ANKHD1: variants seen among roughly 807,000 people sequenced by gnomAD.
ANKHD1 encodes the protein ankyrin repeat and KH domain-containing protein 1.
Under a neutral mutation model 230.5 loss-of-function variants are expected in ANKHD1, and 31 were observed. That is an observed-to-expected ratio of 0.13 (90% CI 0.10 to 0.18). The LOEUF (loss-of-function observed/expected upper bound fraction) is 0.18. Ranked by LOEUF, ANKHD1 falls within the 10% of genes least tolerant of loss-of-function variation. The pLI is 1.00. For missense variants in ANKHD1, 2,256 were observed against 3,071.3 expected, an observed-to-expected ratio of 0.73 and a Z score of 6.27; for synonymous variants, 1,074 against 1,117.6, an observed-to-expected ratio of 0.96 and a Z score of 0.78.
At chr5:140,467,925 T>A (rs1776208215) in intron 10 of ANKHD1, among the ~76,000 whole-genome samples, 1 of 152,110 alleles carries the variant, frequency 6.6e-6, no homozygotes, top group Admixed American at 6.6e-5. Context: ...TGTTTTGGGC[T>A]ATAATAATTT....
At chr5:140,537,648 T>C in intron 31 of ANKHD1, 59 bp downstream of exon 31, 1 of 1,480,990 alleles carries the variant, frequency 6.8e-7, no homozygotes. Flanking sequence ...AGGTTTGCCA[T>C]TAAAACTTAG....
chr5:140,486,752 A>G (rs1340984337), intron 13 of ANKHD1: 9 of 385,824 alleles, frequency 2.3e-5, no homozygotes, highest in East Asian at 2.2e-4. Flanking sequence ...GCTTAAAATC[A>G]TTGACTATTT....
chr5:140,459,078 C>A, intron 8 of ANKHD1, 86 bp from the exon 9 acceptor site: 1 of 1,224,742 alleles, frequency 8.2e-7, no homozygotes, highest in Non-Finnish European at 1.0e-6. Context: ...GCAGAGAAGA[C>A]AGAGATGATT....
Position 140,485,892 on chromosome 5 carries a change from A to G in ANKHD1, c.2142+160A>G. ...ATTCTTTAGGATTTATTTTCTTTAAAGGTACACTGAAATTTGTTATTGCCT... is the reference window on the plus strand; with the variant it reads ...ATTCTTTAGGATTTATTTTCTTTAAGGGTACACTGAAATTTGTTATTGCCT... On this transcript the variant is annotated intron_variant, in intron 13 of 33. Coordinates refer to ENST00000360839, the MANE Select transcript of ANKHD1 (RefSeq NM_017747.3). The surrounding 1 kb of genome is among the most constrained non-coding windows in gnomAD (Gnocchi z 4.8). 1 of 1,141,456 alleles carries G rather than the reference A, an allele frequency of 8.8e-7. No homozygotes were observed. The highest frequency in any genetic ancestry group is 1.2e-6 in the Non-Finnish European group (1 of 836,388). The allele number at this position is 1,141,456 out of a possible 1,614,324, so 70.7% of individuals were successfully genotyped here. A position where few individuals can be genotyped will look rare whatever the true frequency, so the allele number is the denominator to read the frequency against.
At chr5:140,414,188 C>A (rs59647792) in intron 1 of ANKHD1, among the ~76,000 whole-genome samples, 2,058 of 152,172 alleles carry the variant, frequency 0.014, 53 homozygotes, top group African/African-American at 0.047. Flanking sequence ...GGCCTGCATT[C>A]AATTATTTTA....
intron 1 of ANKHD1, among the ~76,000 whole-genome samples, chr5:140,422,814 G>A (rs531722128): frequency 5.8e-5 from 7 of 121,668 alleles, no homozygotes; most frequent in Admixed American, 4.3e-4. Context: ...TGTCTTGGGG[G>A]GGAAAAAAGA....
Position 140,527,352 on chromosome 5 carries a change from C to A in ANKHD1, c.5087+278C>A. Reference sequence around the variant, plus strand: ...GCTTTCTCTTGCTTTTTTTCTTTCTCATGTCTCAGTAATTCTAGAACTAAA... The same window carrying A: ...GCTTTCTCTTGCTTTTTTTCTTTCTAATGTCTCAGTAATTCTAGAACTAAA... On this transcript the variant is annotated intron_variant, in intron 27 of 33. Transcript: ENST00000360839. The surrounding 1 kb of genome is among the most constrained non-coding windows in gnomAD (Gnocchi z 4.5). 3.2e-6 allele frequency: 1 copy of A among 309,808 alleles called. No individual in the cohort carries two copies. The highest frequency in any genetic ancestry group is 5.9e-6 in the Non-Finnish European group (1 of 169,014). The allele number at this position is 309,808 out of a possible 1,614,324, so 19.2% of individuals were successfully genotyped here. A position where few individuals can be genotyped will look rare whatever the true frequency, so the allele number is the denominator to read the frequency against.
rs115462666 is a variant in ANKHD1, at chr5:140,464,646, G to A, written c.1673-21G>A. 3.4e-4 allele frequency: 511 copies of A among 1,522,020 alleles called. 3 individuals carry two copies. The African/African-American group carries it at 6.3e-3, about 19-fold the overall frequency. 94.3% of individuals were successfully genotyped at this position (1,522,020 alleles called of 1,614,324 possible). A position where few individuals can be genotyped will look rare whatever the true frequency, so the allele number is the denominator to read the frequency against. ...CAATTTTACAGTTCACAAAGTAAAT[G>A]TATGCTTTTTTGTTTGCTAGGCGCT... On this transcript the variant is annotated intron_variant, in intron 9 of 33. Transcript: ENST00000360839.
chr5:140,433,435 C>T (rs1773211340), intron 1 of ANKHD1, among the ~76,000 whole-genome samples: 1 of 152,176 alleles, frequency 6.6e-6, no homozygotes, highest in South Asian at 2.1e-4. Context: ...CACCTCTACC[C>T]CTATGTCTAA....
intron 33 of ANKHD1, 80 bp from the exon 34 acceptor site, chr5:140,539,279 G>T: frequency 1.9e-6 from 3 of 1,598,502 alleles, no homozygotes; most frequent in Non-Finnish European, 2.6e-6. Flanking sequence ...ACAGTGAATT[G>T]CCATTGCATT....
At chr5:140,489,621 AT>A (rs1561792121) in intron 14 of ANKHD1, among the ~76,000 whole-genome samples, 1 of 152,196 alleles carries the variant, frequency 6.6e-6, no homozygotes, top group African/African-American at 2.4e-5. Context: ...TTAGGTAGTG[AT>A]TTTTTAAGTT....
intron 9 of ANKHD1, 58 bp from the exon 10 acceptor site, chr5:140,464,609 G>A: frequency 7.3e-7 from 1 of 1,364,782 alleles, no homozygotes; most frequent in Non-Finnish European, 9.7e-7. Flanking sequence ...TGCAAAATTG[G>A]ACTATCTAAT....
chr5:140,452,387 C>T (rs919426595), intron 7 of ANKHD1, among the ~76,000 whole-genome samples: 11 of 152,278 alleles, frequency 7.2e-5, no homozygotes, highest in Admixed American at 1.3e-4. Flanking sequence ...TCTCCAAGCA[C>T]GGAGTTTGAG....
At position 140,511,152 on chromosome 5, in the gene ANKHD1, A is replaced by G. The variant is rs188504806; in HGVS notation, c.4104+971A>G. Among the ~76,000 whole-genome samples, 16 of 152,150 alleles carry G rather than the reference A, an allele frequency of 1.1e-4. No individual in the cohort carries two copies. In the East Asian group the frequency reaches 2.9e-3, roughly 28 times the overall value. The stretch of plus-strand genomic sequence containing the variant: ...TTAAAGTTCATGCCCGGCCTCTCAT[A>G]TATATTAAAGTTCACTTATCTGCTG... On this transcript the variant is annotated intron_variant, in intron 22 of 33. Coordinates refer to ENST00000360839, the MANE Select transcript of ANKHD1 (RefSeq NM_017747.3).
At chr5:140,405,362 T>C (rs1449177034) in intron 1 of ANKHD1, among the ~76,000 whole-genome samples, 1 of 152,264 alleles carries the variant, frequency 6.6e-6, no homozygotes, top group East Asian at 1.9e-4. Context: ...CCATATCACA[T>C]AGAGAGGAAA....
Position 140,501,324 on chromosome 5 carries a change from C to T in ANKHD1, c.3005-3497C>T, listed in dbSNP as rs556782270. On this transcript the variant is annotated intron_variant, in intron 15 of 33. Coordinates refer to ENST00000360839, the MANE Select transcript of ANKHD1 (RefSeq NM_017747.3). The stretch of plus-strand genomic sequence containing the variant: ...CAAACTCCTGACCTCGTGATCTGCC[C>T]GCCTCGGCCTCCCAAAATGCTGGGA... Among the ~76,000 whole-genome samples the T allele has an allele frequency of 5.3e-5, 8 of 151,718 alleles. No individual in the cohort carries two copies. The East Asian group carries it at 7.8e-4, about 15-fold the overall frequency.
intron 7 of ANKHD1, among the ~76,000 whole-genome samples, chr5:140,456,648 T>C (rs1450382394): frequency 6.6e-6 from 1 of 152,210 alleles, no homozygotes; most frequent in African/African-American, 2.4e-5. Context: ...CTGGGAAAAC[T>C]GGCTAGCCAT....
chr5:140,473,432 T>A (rs1011300322), intron 10 of ANKHD1, among the ~76,000 whole-genome samples: 2 of 152,008 alleles, frequency 1.3e-5, no homozygotes, highest in Admixed American at 6.5e-5. Context: ...TTGAGATTTT[T>A]AAAAATTTTT....
At chr5:140,416,102 A>G (rs1053663348) in intron 1 of ANKHD1, among the ~76,000 whole-genome samples, 1 of 152,116 alleles carries the variant, frequency 6.6e-6, no homozygotes, top group Non-Finnish European at 1.5e-5. Flanking sequence ...CCATGTCCCT[A>G]CAAAGGATAC....
Sources: gnomAD v4.1 joint callset for allele counts (sites outside exome capture counted in the v4.1 genomes callset) on GRCh38, gnomAD v4.1.1 for gene constraint, Gnocchi (gnomAD v3.1) non-coding constraint, MANE v1.5 for transcripts, NCBI Gene and HGNC (gene_info 2026-07-23, HGNC 2026-07-21) for gene names.